ZFAT: variants seen among roughly 807,000 people sequenced by gnomAD.
ZFAT encodes the protein zinc finger and AT-hook domain containing, also known as zinc finger protein ZFAT.
In ZFAT, 64 loss-of-function variants were observed where a neutral mutation model predicts 117.7. The observed-to-expected ratio is 0.54, with a 90% CI of 0.44 to 0.67. The LOEUF (loss-of-function observed/expected upper bound fraction) is 0.67, where lower values mean the gene tolerates loss of function less well. Among genes scored for constraint, ZFAT ranks in the 30% least tolerant of loss-of-function variants. The pLI is 0.00. For synonymous variants in ZFAT, 679 were observed against 615.0 expected (o/e 1.10, Z -1.54); for missense variants, 1,433 against 1,584.5 (o/e 0.90, Z 1.62).
At chr8:134,812,190 G>A in the ZFAT span, among the ~76,000 whole-genome samples, 1 of 152,134 alleles carries the variant, frequency 6.6e-6, no homozygotes, top group South Asian at 2.1e-4. Flanking sequence ...TATCTTGGAG[G>A]GTTATTATGA....
intron 1 of ZFAT, among the ~76,000 whole-genome samples, chr8:134,690,503 G>GA (rs1477060850): frequency 2.0e-5 from 3 of 152,318 alleles, no homozygotes; most frequent in Admixed American, 1.3e-4. Context: ...TCCGCTTTAT[G>GA]AAAGTCTGAG....
At chr8:134,726,161 A>C in the ZFAT span, among the ~76,000 whole-genome samples, 1 of 152,046 alleles carries the variant, frequency 6.6e-6, no homozygotes, top group Non-Finnish European at 1.5e-5. Flanking sequence ...GAAAGAATTC[A>C]TCTGAGGAAG....
At chr8:134,582,730 C>T (rs564147417) in intron 10 of ZFAT, among the ~76,000 whole-genome samples, 64 of 152,222 alleles carry the variant, frequency 4.2e-4, no homozygotes, top group African/African-American at 1.3e-3. Context: ...CTGAGTCCCT[C>T]GAGCTCACCT....
At chr8:134,692,454 C>T (rs1169093886) in intron 1 of ZFAT, among the ~76,000 whole-genome samples, 1 of 152,180 alleles carries the variant, frequency 6.6e-6, no homozygotes, top group African/African-American at 2.4e-5. Context: ...CCATGGCCGC[C>T]CAGGACTTCT....
rs149241183 is a variant in ZFAT, at chr8:134,610,323, C to A, written c.634+147G>T. 56 of 900,178 alleles carry A rather than the reference C, an allele frequency of 6.2e-5. No individual in the cohort carries two copies. In the African/African-American group the frequency reaches 9.1e-4, roughly 15 times the overall value. 55.8% of individuals were successfully genotyped at this position (900,178 alleles called of 1,614,324 possible). On this transcript the variant is annotated intron_variant, in intron 4 of 15. Coordinates refer to ENST00000377838, the MANE Select transcript of ZFAT (RefSeq NM_020863.4). ...CACAACACCTGGGCAGTAAGTAAGT[C>A]TCATCCTCTCAAATTAGTGGGTGAT... is the stretch of plus-strand genomic sequence containing the variant.
intron 15 of ZFAT, among the ~76,000 whole-genome samples, chr8:134,495,939 AAAAAAG>A (rs1217354327): frequency 6.6e-6 from 1 of 152,100 alleles, no homozygotes; most frequent in Non-Finnish European, 1.5e-5. Flanking sequence ...CAAAGAAAAA[AAAAAAG>A]TTGGTGTCTT....
At chr8:134,666,617 G>C (rs1832234781) in intron 1 of ZFAT, among the ~76,000 whole-genome samples, 1 of 152,040 alleles carries the variant, frequency 6.6e-6, no homozygotes, top group South Asian at 2.1e-4. Context: ...AGAGATATAA[G>C]AGAAAACCCA....
At chr8:134,670,343 T>A (rs913680255) in intron 1 of ZFAT, among the ~76,000 whole-genome samples, 6 of 152,360 alleles carry the variant, frequency 3.9e-5, no homozygotes, top group East Asian at 3.9e-4. Flanking sequence ...ATTGACCACA[T>A]AGTTGGAAGT....
chr8:134,669,755 T>A (rs1371619586), intron 1 of ZFAT, among the ~76,000 whole-genome samples: 1 of 152,098 alleles, frequency 6.6e-6, no homozygotes, highest in East Asian at 1.9e-4. Flanking sequence ...CATAACAATA[T>A]TAACCTTAAA....
At chr8:134,818,527 G>C in the ZFAT span, among the ~76,000 whole-genome samples, 1 of 152,204 alleles carries the variant, frequency 6.6e-6, no homozygotes, top group Non-Finnish European at 1.5e-5. Flanking sequence ...ACCACTGGCA[G>C]TTTAAGAAGA....
At chr8:134,814,046 G>A in the ZFAT span, among the ~76,000 whole-genome samples, 1 of 151,974 alleles carries the variant, frequency 6.6e-6, no homozygotes, top group Admixed American at 6.6e-5. Flanking sequence ...CGTGCCCAAA[G>A]GATAATGTTT....
At chr8:134,617,779 C>T (rs183267343) in intron 3 of ZFAT, among the ~76,000 whole-genome samples, 4 of 152,282 alleles carry the variant, frequency 2.6e-5, no homozygotes, top group Admixed American at 6.5e-5. Flanking sequence ...TCTGAGCTGC[C>T]GTAAACCACA....
intron 15 of ZFAT, among the ~76,000 whole-genome samples, chr8:134,483,306 C>T (rs982449054): frequency 2.0e-5 from 3 of 152,020 alleles, no homozygotes; most frequent in African/African-American, 4.8e-5. Context: ...CTCCTGGCCT[C>T]GTGACTTATG....
intron 15 of ZFAT, among the ~76,000 whole-genome samples, chr8:134,488,488 C>T (rs1039658550): frequency 1.3e-5 from 2 of 152,152 alleles, no homozygotes; most frequent in Non-Finnish European, 2.9e-5. Context: ...AAGAGATGGG[C>T]CATTTGTTGA....
chr8:134,751,857 ATTC>A, the ZFAT span, among the ~76,000 whole-genome samples: 1 of 152,348 alleles, frequency 6.6e-6, no homozygotes, highest in South Asian at 2.1e-4. Flanking sequence ...GAGGAAGCTG[ATTC>A]ATTCAAAGCC....
At chr8:134,707,554 A>G (rs1834182595) in intron 1 of ZFAT, among the ~76,000 whole-genome samples, 1 of 151,482 alleles carries the variant, frequency 6.6e-6, no homozygotes, top group South Asian at 2.1e-4. Context: ...AGCCAGTTAG[A>G]GCCCTACAAG....
chr8:134,695,597 C>T (rs973749329), intron 1 of ZFAT, among the ~76,000 whole-genome samples: 4 of 149,700 alleles, frequency 2.7e-5, no homozygotes, highest in Non-Finnish European at 4.5e-5. Context: ...ACCAGGAAGG[C>T]GCTGCCCTCA....
chr8:134,666,584 C>T (rs1269928978), intron 1 of ZFAT, among the ~76,000 whole-genome samples: 1 of 152,172 alleles, frequency 6.6e-6, no homozygotes, highest in Admixed American at 6.5e-5. Context: ...AGCGAAAAAA[C>T]ATTGTGTCTC....
In ZFAT at chr8:134,601,546, T is replaced by G; in HGVS notation, c.2173A>C (p.Lys725Gln). ...FMKVLNSLQK[K>Q]QMNTSLCERI... is the part of the protein sequence containing the mutation. ...TCACACAAGCTGGTGTTCATTTGCT[T>G]CTTCTGTAAACTGTTCAGGACCTTC... is the stretch of plus-strand genomic sequence containing the variant. The change falls in exon 6 of 16, where the codon AAG becomes CAG. Residue 725 changes from lysine (K) to glutamine (Q), a missense_variant. Lys to Gln is a moderately conservative substitution (Grantham distance 53, BLOSUM62 1). Transcript: ENST00000377838. The G allele has an allele frequency of 6.2e-7, 1 of 1,614,182 alleles. No homozygotes were observed. Among genetic ancestry groups the G allele is most frequent in the Admixed American group, 1.7e-5 (1 of 60,026 alleles).
Sources: allele counts gnomAD v4.1 joint callset (sites outside exome capture counted in the v4.1 genomes callset), GRCh38; gene constraint gnomAD v4.1.1; transcripts MANE v1.5; gene names NCBI Gene and HGNC (gene_info 2026-07-23, HGNC 2026-07-21).